Variants in MMRN1 observed in about 807,000 individuals in gnomAD.
MMRN1 encodes the protein multimerin-1.
A neutral mutation model predicts 100.7 loss-of-function variants in MMRN1; 94 were observed. The ratio of observed to expected loss-of-function variants is 0.93; its 90% CI spans 0.79 to 1.11. The LOEUF (loss-of-function observed/expected upper bound fraction) is 1.11, where lower values mean the gene tolerates loss of function less well. Ranked by LOEUF, MMRN1 falls within the 50% of genes least tolerant of loss-of-function variation. The pLI is 0.00. For missense variants in MMRN1, 1,606 were observed against 1,439.1 expected (o/e 1.12, Z -1.88); for synonymous variants, 575 against 505.0 (o/e 1.14, Z -1.86).
At chr4:89,883,686 A>T (rs1436547772) in intron 1 of MMRN1, among the ~76,000 whole-genome samples, 2 of 152,072 alleles carry the variant, frequency 1.3e-5, no homozygotes, top group African/African-American at 4.8e-5. Context: ...TTCCTCCAAG[A>T]TGTGGCTTGC....
intron 4 of MMRN1, among the ~76,000 whole-genome samples, chr4:89,925,013 A>C (rs991381151): frequency 6.6e-6 from 1 of 152,114 alleles, no homozygotes; most frequent in East Asian, 1.9e-4. Flanking sequence ...TCGGTTACAA[A>C]CAATCCAATT....
At chr4:89,915,766 A>G (rs919525600) in intron 3 of MMRN1, among the ~76,000 whole-genome samples, 3 of 151,634 alleles carry the variant, frequency 2.0e-5, no homozygotes, top group Non-Finnish European at 4.4e-5. Flanking sequence ...CTTAAAAAAT[A>G]TATTGCATTT....
At chr4:89,892,297 G>T (rs758505283), upstream of MMRN1, among the ~76,000 whole-genome samples, 1 of 151,274 alleles carries the variant, frequency 6.6e-6, no homozygotes, top group African/African-American at 2.4e-5. Context: ...AGTGGGAAAT[G>T]GGAGGTATAG....
intron 3 of MMRN1, among the ~76,000 whole-genome samples, chr4:89,920,413 A>G (rs190375145): frequency 1.3e-5 from 2 of 152,138 alleles, no homozygotes; most frequent in African/African-American, 4.8e-5. Flanking sequence ...AACACTCTTC[A>G]TATGTTTCCA....
intron 1 of MMRN1, among the ~76,000 whole-genome samples, chr4:89,897,818 T>G (rs1345161756): frequency 6.6e-6 from 1 of 152,156 alleles, no homozygotes; most frequent in Non-Finnish European, 1.5e-5. Context: ...GTCTAAGGAA[T>G]ATTCCCTATA....
upstream of MMRN1, among the ~76,000 whole-genome samples, chr4:89,890,037 T>C (rs1024780428): frequency 2.0e-5 from 3 of 151,882 alleles, no homozygotes; most frequent in Non-Finnish European, 2.9e-5. Flanking sequence ...TTCACTCAGC[T>C]TTTGGAGAGC....
chr4:89,916,373 A>C (rs3775470), intron 3 of MMRN1, among the ~76,000 whole-genome samples: 6,109 of 145,944 alleles, frequency 0.042, 171 homozygotes, highest in Middle Eastern at 0.12. Flanking sequence ...TGAAAAAAAA[A>C]AAACAAACAA....
intron 6 of MMRN1, among the ~76,000 whole-genome samples, chr4:89,943,810 C>T (rs955592543): frequency 6.6e-6 from 1 of 151,922 alleles, no homozygotes; most frequent in East Asian, 1.9e-4. Flanking sequence ...GCCAACCTGG[C>T]GAAACCCCAT....
intron 6 of MMRN1, among the ~76,000 whole-genome samples, chr4:89,940,168 C>T (rs952694821): frequency 6.6e-6 from 1 of 152,148 alleles, no homozygotes; most frequent in African/African-American, 2.4e-5. Context: ...CAGCAATTGG[C>T]AGACTTATCC....
In MMRN1 at chr4:89,936,028, A is replaced by G. The variant is rs1201447240; in HGVS notation, c.2348A>G (p.Asn783Ser). 1 of 1,612,960 alleles carries G rather than the reference A, an allele frequency of 6.2e-7. No homozygotes were observed. The highest frequency in any genetic ancestry group is 1.7e-5 in the Admixed American group (1 of 59,898). Residue 783 changes from asparagine to serine, a missense_variant, in exon 6 of 8, where the codon AAT becomes AGT. By Grantham distance (46) the Asn-to-Ser change is conservative (BLOSUM62 1). Coordinates refer to ENST00000264790, the MANE Select transcript of MMRN1 (RefSeq NM_007351.3). Reference protein sequence around the residue: ...LTFIPQFHRLNDSIQTLVNDN... With the variant: ...LTFIPQFHRLSDSIQTLVNDN... ...TTTATTCCTCAGTTCCACCGTCTGA[A>G]TGATTCTATTCAGACTTTGGTCAAT...
At chr4:89,898,896 A>G (rs1409292358) in intron 1 of MMRN1, among the ~76,000 whole-genome samples, 1 of 152,106 alleles carries the variant, frequency 6.6e-6, no homozygotes, top group Non-Finnish European at 1.5e-5. Flanking sequence ...GTATCTTTGC[A>G]TATAGGGACT....
chr4:89,889,854 A>T (rs1721012529), upstream of MMRN1, among the ~76,000 whole-genome samples: 1 of 152,056 alleles, frequency 6.6e-6, no homozygotes, highest in African/African-American at 2.4e-5. Context: ...TCATTTTTAA[A>T]ACAATCTCTA....
At chr4:89,933,774 G>C (rs1047352484) in intron 5 of MMRN1, among the ~76,000 whole-genome samples, 48 of 152,112 alleles carry the variant, frequency 3.2e-4, no homozygotes, top group African/African-American at 1.1e-3. Context: ...GGGGATTATG[G>C]GAGGTACCAT....
intron 2 of MMRN1, among the ~76,000 whole-genome samples, chr4:89,909,805 T>C (rs1421854217): frequency 6.6e-6 from 1 of 151,478 alleles, no homozygotes; most frequent in Admixed American, 6.6e-5. Context: ...TATAACTTGG[T>C]TCATATTCTA....
At chr4:89,949,207 A>T (rs142953151) in intron 6 of MMRN1, among the ~76,000 whole-genome samples, 53 of 152,312 alleles carry the variant, frequency 3.5e-4, no homozygotes, top group African/African-American at 1.2e-3. Context: ...CAGTTTCTTA[A>T]GTTCTCCTTA....
At chr4:89,909,169 TG>T in intron 1 of MMRN1, 106 bp from the exon 2 acceptor site, 1 of 1,180,084 alleles carries the variant, frequency 8.5e-7, no homozygotes, top group Non-Finnish European at 1.2e-6. Flanking sequence ...ACAAGGTTTC[TG>T]ATCTATAGTA....
chr4:89,934,605 A>G (rs1335725979), intron 5 of MMRN1, among the ~76,000 whole-genome samples: 1 of 152,100 alleles, frequency 6.6e-6, no homozygotes, highest in Non-Finnish European at 1.5e-5. Context: ...TCTGCAAGTG[A>G]TATCTCCTCT....
At chr4:89,892,568 C>CA (rs201159321), upstream of MMRN1, among the ~76,000 whole-genome samples, 1,162 of 151,814 alleles carry the variant, frequency 7.7e-3, 18 homozygotes, top group African/African-American at 0.026. Context: ...TCCATATACC[C>CA]AAAATCACTA....
intron 5 of MMRN1, among the ~76,000 whole-genome samples, chr4:89,932,987 A>G (rs535027598): frequency 5.3e-4 from 81 of 152,144 alleles, no homozygotes; most frequent in Non-Finnish European, 8.4e-4. Flanking sequence ...TTGAACTTTT[A>G]TGCTCTGCTT....
Sources: allele counts gnomAD v4.1 joint callset (sites outside exome capture counted in the v4.1 genomes callset), GRCh38; gene constraint gnomAD v4.1.1; transcripts MANE v1.5; gene names NCBI Gene and HGNC (gene_info 2026-07-23, HGNC 2026-07-21).